Variants in ZC3H12B observed in about 807,000 individuals in gnomAD.
ZC3H12B encodes the protein probable ribonuclease ZC3H12B.
ZC3H12B carries 7 observed loss-of-function variants against 43.9 expected under a neutral mutation model. The observed-to-expected ratio is 0.16, with a 90% CI of 0.09 to 0.30. ZC3H12B has a LOEUF of 0.30. Among genes scored for constraint, ZC3H12B ranks in the 10% least tolerant of loss-of-function variants. The probability of loss-of-function intolerance (pLI) is 1.00; values close to 1 mark genes in which losing one functional copy is unlikely to be tolerated. For missense variants in ZC3H12B, 475 were observed against 670.2 expected, an observed-to-expected ratio of 0.71 and a Z score of 3.22; for synonymous variants, 222 against 241.7, an observed-to-expected ratio of 0.92 and a Z score of 0.76.
At chrX:65,443,009 AAAT>A (rs1229407379) in intron 3 of ZC3H12B, among the ~76,000 whole-genome samples, 106 of 111,017 alleles carry the variant, frequency 9.5e-4, no homozygotes, top group African/African-American at 3.1e-3. Context: ...ATTTTCCTCA[AAAT>A]AATAAGGAGG....
intron 3 of ZC3H12B, among the ~76,000 whole-genome samples, chrX:65,429,576 T>G (rs1488148507): frequency 2.7e-5 from 3 of 112,458 alleles, no homozygotes; most frequent in African/African-American, 6.5e-5. Flanking sequence ...GTGGGGGGCT[T>G]TCTCACCTGG....
chrX:65,310,529 C>T, the ZC3H12B span, among the ~76,000 whole-genome samples: 3 of 112,106 alleles, frequency 2.7e-5, no homozygotes, highest in African/African-American at 9.7e-5. Flanking sequence ...ATTCTATGCT[C>T]ATGGATAAGA....
At chrX:65,311,591 C>T in the ZC3H12B span, among the ~76,000 whole-genome samples, 2 of 111,782 alleles carry the variant, frequency 1.8e-5, no homozygotes, top group South Asian at 3.7e-4. Flanking sequence ...TGTGGTGATT[C>T]CTCAAGGATC....
At chrX:65,335,791 T>C in the ZC3H12B span, among the ~76,000 whole-genome samples, 1 of 111,793 alleles carries the variant, frequency 8.9e-6, no homozygotes, top group African/African-American at 3.2e-5. Context: ...AGATAGTTTT[T>C]AGGGCTAATT....
the ZC3H12B span, among the ~76,000 whole-genome samples, chrX:65,120,106 C>T: frequency 2.7e-5 from 3 of 111,939 alleles, no homozygotes; most frequent in Admixed American, 2.8e-4. Context: ...GTTCTTTTGA[C>T]TTAGGATTAA....
chrX:65,266,877 C>G, the ZC3H12B span, among the ~76,000 whole-genome samples: 2 of 110,482 alleles, frequency 1.8e-5, no homozygotes, highest in Non-Finnish European at 3.8e-5. Context: ...TCACAGCACA[C>G]CAGGGCAAGG....
At chrX:65,185,752 A>C in the ZC3H12B span, 2 of 111,434 alleles carry the variant, frequency 1.8e-5, no homozygotes, top group Non-Finnish European at 3.8e-5. Context: ...AAATTATATA[A>C]ATAACCACAC....
chrX:65,450,791 ATATATATACATATGTGTATATATG>A (rs2067486390), intron 3 of ZC3H12B, among the ~76,000 whole-genome samples: 3 of 73,392 alleles, frequency 4.1e-5, no homozygotes, highest in East Asian at 9.3e-4. Flanking sequence ...GTATATATGT[ATATATATACATATGTGTATATATG>A]TATATATATA....
chrX:65,439,258 T>C (rs1328573416), intron 3 of ZC3H12B, among the ~76,000 whole-genome samples: 1 of 111,823 alleles, frequency 8.9e-6, no homozygotes, highest in Non-Finnish European at 1.9e-5. Flanking sequence ...GCCATATCAT[T>C]TGAGGTTGAG....
chrX:65,151,881 C>T, the ZC3H12B span, among the ~76,000 whole-genome samples: 4 of 111,780 alleles, frequency 3.6e-5, no homozygotes, highest in African/African-American at 1.3e-4. Flanking sequence ...AGCTTATCCA[C>T]CATGATCAAG....
At chrX:65,259,757 A>G in the ZC3H12B span, among the ~76,000 whole-genome samples, 3 of 112,085 alleles carry the variant, frequency 2.7e-5, no homozygotes, top group African/African-American at 9.7e-5. Context: ...TTATACGAAA[A>G]AGATGCTTGC....
At chrX:65,054,390 G>C in the ZC3H12B span, among the ~76,000 whole-genome samples, 3 of 110,922 alleles carry the variant, frequency 2.7e-5, no homozygotes, top group Admixed American at 2.9e-4. Flanking sequence ...TCTTGTTTTT[G>C]TCAGGTTTGT....
At chrX:65,055,070 C>T in the ZC3H12B span, among the ~76,000 whole-genome samples, 1 of 110,965 alleles carries the variant, frequency 9.0e-6, no homozygotes, top group Non-Finnish European at 1.9e-5. Context: ...AATTGAATAC[C>T]CTTTATTTCC....
chrX:65,439,096 G>T (rs1390238701), intron 3 of ZC3H12B, among the ~76,000 whole-genome samples: 3 of 112,576 alleles, frequency 2.7e-5, no homozygotes, highest in Non-Finnish European at 5.6e-5. Flanking sequence ...GAGCTTCCAA[G>T]TGTTTTTATC....
intron 2 of ZC3H12B, among the ~76,000 whole-genome samples, chrX:65,378,747 C>A (rs753206983): frequency 7.0e-4 from 79 of 112,615 alleles, no homozygotes; most frequent in African/African-American, 2.4e-3. Flanking sequence ...TCAGTTGGTG[C>A]ATGCACCGTG....
intron 2 of ZC3H12B, among the ~76,000 whole-genome samples, chrX:65,385,110 T>A (rs1421939725): frequency 3.6e-5 from 4 of 112,109 alleles, no homozygotes; most frequent in African/African-American, 1.3e-4. Flanking sequence ...TCTTTTGGAT[T>A]AGGATTGTCT....
At chrX:65,503,017 G>A in exon 5 of ZC3H12B, 3 of 1,209,293 alleles carry the variant, frequency 2.5e-6, no homozygotes, top group Middle Eastern at 4.6e-4. Context: ...AGCTTTGGAG[G>A]AATCCTTGGG....
chrX:65,224,566 C>T, the ZC3H12B span, among the ~76,000 whole-genome samples: 11 of 112,612 alleles, frequency 9.8e-5, no homozygotes, highest in African/African-American at 1.9e-4. Flanking sequence ...CAAAGCAGGG[C>T]GAGGCATTGC....
At chrX:65,287,909 C>T in the ZC3H12B span, among the ~76,000 whole-genome samples, 1 of 107,301 alleles carries the variant, frequency 9.3e-6, no homozygotes, top group Non-Finnish European at 1.9e-5. Flanking sequence ...CTAGACTAAC[C>T]AAGATGAGAG....
Sources: allele counts gnomAD v4.1 joint callset (sites outside exome capture counted in the v4.1 genomes callset), GRCh38; gene constraint gnomAD v4.1.1; transcripts MANE v1.5; gene names NCBI Gene and HGNC (gene_info 2026-07-23, HGNC 2026-07-21).